Variants in TBC1D5 observed in about 807,000 individuals in gnomAD.
TBC1D5 encodes TBC1 domain family member 5.
A neutral mutation model predicts 100.3 loss-of-function variants in TBC1D5; 75 were observed. That is an observed-to-expected ratio of 0.75 (90% CI 0.62 to 0.91). The LOEUF is 0.91. Ranked by LOEUF, TBC1D5 falls within the 40% of genes least tolerant of loss-of-function variation. The pLI is 0.00. For missense variants in TBC1D5, 910 were observed against 942.4 expected (o/e 0.97, Z 0.45); for synonymous variants, 323 against 325.6 (o/e 0.99, Z 0.09).
intron 15 of TBC1D5, among the ~76,000 whole-genome samples, chr3:17,281,899 T>C (rs2080643167): frequency 1.3e-5 from 2 of 152,250 alleles, no homozygotes; most frequent in African/African-American, 4.8e-5. Context: ...GTTTTTTTGT[T>C]CTGTCAGTTT....
chr3:17,560,356 C>T (rs1011380092), intron 2 of TBC1D5, among the ~76,000 whole-genome samples: 11 of 151,680 alleles, frequency 7.3e-5, no homozygotes, highest in Admixed American at 2.0e-4. Flanking sequence ...AGTGGCTCAC[C>T]CCTGTAATCC....
At chr3:17,644,993 T>C (rs2064881342) in intron 1 of TBC1D5, among the ~76,000 whole-genome samples, 1 of 152,144 alleles carries the variant, frequency 6.6e-6, no homozygotes. Flanking sequence ...AGATTTTATT[T>C]AAGAGTCTTA....
intron 1 of TBC1D5, among the ~76,000 whole-genome samples, chr3:17,636,155 C>G (rs371764847): frequency 4.6e-5 from 7 of 151,954 alleles, no homozygotes; most frequent in East Asian, 1.9e-4. Context: ...CTGCTGTACT[C>G]TAGCCTGGGT....
intron 3 of TBC1D5, among the ~76,000 whole-genome samples, chr3:17,472,482 G>T (rs936283424): frequency 1.3e-5 from 2 of 152,018 alleles, no homozygotes; most frequent in Non-Finnish European, 2.9e-5. Flanking sequence ...TCTTCTCAAT[G>T]AGGCCTTTCT....
exon 8 of TBC1D5, chr3:17,403,197 G>T: frequency 6.3e-7 from 1 of 1,589,152 alleles, no homozygotes; most frequent in South Asian, 1.1e-5. Flanking sequence ...TTGACATCTT[G>T]TTCAATCATT....
chr3:17,390,962 T>C (rs1307186496), intron 8 of TBC1D5, among the ~76,000 whole-genome samples: 1 of 152,112 alleles, frequency 6.6e-6, no homozygotes, highest in African/African-American at 2.4e-5. Flanking sequence ...CCTTTTCAGT[T>C]AGCTGTGGTC....
intron 2 of TBC1D5, among the ~76,000 whole-genome samples, chr3:17,559,057 C>T (rs368350231): frequency 1.3e-5 from 2 of 150,586 alleles, no homozygotes; most frequent in African/African-American, 4.9e-5. Context: ...AAATATTTTA[C>T]GGTCTATTTT....
intron 13 of TBC1D5, among the ~76,000 whole-genome samples, chr3:17,326,559 A>G (rs1317998892): frequency 1.3e-5 from 2 of 152,146 alleles, no homozygotes; most frequent in Non-Finnish European, 2.9e-5. Flanking sequence ...TGCAGCCTCA[A>G]CCTTTCAAGA....
At chr3:17,660,280 C>T (rs79288766) in intron 1 of TBC1D5, among the ~76,000 whole-genome samples, 189 of 152,208 alleles carry the variant, frequency 1.2e-3, no homozygotes, top group South Asian at 4.1e-3. Flanking sequence ...TGGATTAGAA[C>T]TTTTATAATG....
At position 17,285,248 on chromosome 3, in the gene TBC1D5, CTTTTTTTTTTTT is replaced by C. The variant is rs373843978; in HGVS notation, c.1245+6635_1245+6646del. Among the ~76,000 whole-genome samples the C allele has an allele frequency of 5.2e-4, 54 of 104,704 alleles. 1 individual carries two copies. The East Asian group carries it at 0.018, about 35-fold the overall frequency. 68.7% of individuals were successfully genotyped at this position (104,704 alleles called of 152,430 possible). On this transcript the variant is annotated intron_variant, in intron 15 of 21. Coordinates refer to ENST00000253692, the Ensembl canonical transcript of TBC1D5. ...AGTCACTATACGTGGATTTTAGATT[CTTTTTTTTTTTT>C]TTTTTTTTTTTTTTTTTTGAGACGG...
chr3:17,224,963 C>T (rs2074688652), intron 17 of TBC1D5, among the ~76,000 whole-genome samples: 1 of 152,076 alleles, frequency 6.6e-6, no homozygotes, highest in Non-Finnish European at 1.5e-5. Context: ...TATGTTTCTC[C>T]TCAATTATAA....
At chr3:17,179,760 C>A (rs1463222) in intron 19 of TBC1D5, among the ~76,000 whole-genome samples, 75,394 of 152,060 alleles carry the variant, frequency 0.5, 19,565 homozygotes, top group African/African-American at 0.64. Context: ...AATTTTCCTT[C>A]ATTAATTGCA....
intron 7 of TBC1D5, among the ~76,000 whole-genome samples, chr3:17,403,869 CT>C (rs1254742305): frequency 6.6e-6 from 1 of 152,110 alleles, no homozygotes; most frequent in Non-Finnish European, 1.5e-5. Flanking sequence ...GCTACTACCC[CT>C]GTAACAACAG....
intron 2 of TBC1D5, among the ~76,000 whole-genome samples, chr3:17,524,913 ATAGG>A (rs2096112394): frequency 6.6e-6 from 1 of 152,136 alleles, no homozygotes; most frequent in South Asian, 2.1e-4. Flanking sequence ...AAATAGAATA[ATAGG>A]TAGGAATTTA....
rs1026296000 is a variant in TBC1D5 at position 17,448,046 on chromosome 3, C to T, written c.98-19527G>A. ...GAGTGTTAGTGTGCACCTGTAGTCT[C>T]AGTAGCACTTAGGAGGCTCAGACAG... On this transcript the variant is annotated intron_variant, in intron 3 of 21. Transcript: ENST00000253692. 2.0e-5 allele frequency among the ~76,000 whole-genome samples: 3 copies of T among 152,160 alleles called. No individual in the cohort carries two copies. The East Asian group carries it at 5.8e-4, about 29-fold the overall frequency.
intron 2 of TBC1D5, among the ~76,000 whole-genome samples, chr3:17,623,119 A>C (rs1450760507): frequency 4.6e-5 from 7 of 152,186 alleles, no homozygotes; most frequent in Non-Finnish European, 7.3e-5. Flanking sequence ...ATACACACAG[A>C]GAAAATGAAA....
chr3:17,456,999 TAG>T (rs567313037), intron 3 of TBC1D5, among the ~76,000 whole-genome samples: 77 of 152,246 alleles, frequency 5.1e-4, no homozygotes, highest in African/African-American at 1.8e-3. Context: ...AGTGAGAATG[TAG>T]AGTGACTTTC....
At chr3:17,281,776 A>G (rs1052520093) in intron 15 of TBC1D5, among the ~76,000 whole-genome samples, 1 of 152,214 alleles carries the variant, frequency 6.6e-6, no homozygotes, top group Non-Finnish European at 1.5e-5. Context: ...CTTCCTATAA[A>G]ATCAATATAC....
intron 8 of TBC1D5, among the ~76,000 whole-genome samples, chr3:17,393,919 G>A (rs2093428633): frequency 6.6e-6 from 1 of 152,118 alleles, no homozygotes; most frequent in African/African-American, 2.4e-5. Flanking sequence ...CATGGACAAA[G>A]ACTTCATGAC....
Sources: allele counts gnomAD v4.1 joint callset (sites outside exome capture counted in the v4.1 genomes callset), GRCh38; gene constraint gnomAD v4.1.1; transcripts MANE v1.5; gene names NCBI Gene and HGNC (gene_info 2026-07-23, HGNC 2026-07-21).